The following RCAN2 variants were observed in gnomAD, a reference collection of about 807,000 sequenced individuals.
The protein encoded by RCAN2 is regulator of calcineurin 2.
Under a neutral mutation model 23.6 loss-of-function variants are expected in RCAN2, and 9 were observed. The ratio of observed to expected loss-of-function variants is 0.38; its 90% CI spans 0.23 to 0.67. The LOEUF (loss-of-function observed/expected upper bound fraction) is 0.67, where lower values mean the gene tolerates loss of function less well. Among genes scored for constraint, RCAN2 ranks in the 30% least tolerant of loss-of-function variants. The pLI is 0.51. For missense variants in RCAN2, 273 were observed against 302.3 expected, an observed-to-expected ratio of 0.90 and a Z score of 0.72; for synonymous variants, 109 against 115.7, an observed-to-expected ratio of 0.94 and a Z score of 0.37.
chr6:46,370,994 GA>G (rs1428016702), intron 2 of RCAN2, among the ~76,000 whole-genome samples: 1 of 152,146 alleles, frequency 6.6e-6, no homozygotes, highest in Non-Finnish European at 1.5e-5. Context: ...GAGATATGTG[GA>G]TCTATAAATT....
At chr6:46,446,768 G>C (rs1026479411) in intron 2 of RCAN2, among the ~76,000 whole-genome samples, 8 of 152,034 alleles carry the variant, frequency 5.3e-5, no homozygotes, top group Non-Finnish European at 1.0e-4. Context: ...GCATAAAAAA[G>C]TCTATTATAA....
intron 4 of RCAN2, among the ~76,000 whole-genome samples, chr6:46,246,246 T>C (rs181228795): frequency 1.5e-4 from 23 of 152,290 alleles, no homozygotes; most frequent in African/African-American, 4.8e-4. Flanking sequence ...ACTAAGATTT[T>C]TTTAAAGTTA....
intron 4 of RCAN2, among the ~76,000 whole-genome samples, chr6:46,246,387 C>T (rs905826852): frequency 2.0e-5 from 3 of 152,106 alleles, no homozygotes; most frequent in Admixed American, 2.0e-4. Flanking sequence ...AGCATAGATG[C>T]CTCCTTCCAG....
chr6:46,462,386 A>G (rs911688398), intron 1 of RCAN2, among the ~76,000 whole-genome samples: 6 of 152,244 alleles, frequency 3.9e-5, no homozygotes, highest in African/African-American at 1.2e-4. Flanking sequence ...ATTTTAATGA[A>G]GAAGGAAGCC....
intron 2 of RCAN2, among the ~76,000 whole-genome samples, chr6:46,264,066 G>T (rs991489114): frequency 6.6e-6 from 1 of 152,182 alleles, no homozygotes; most frequent in East Asian, 1.9e-4. Context: ...TTTGCAGAAT[G>T]CTACCCGGTG....
chr6:46,291,873 T>A (rs776309264), intron 2 of RCAN2, among the ~76,000 whole-genome samples: 6 of 152,076 alleles, frequency 3.9e-5, no homozygotes, highest in Non-Finnish European at 8.8e-5. Flanking sequence ...GGAAAGTACG[T>A]GGAATTTGAG....
At chr6:46,473,215 T>C (rs140895838) in intron 1 of RCAN2, among the ~76,000 whole-genome samples, 237 of 152,308 alleles carry the variant, frequency 1.6e-3, no homozygotes, top group African/African-American at 5.4e-3. Context: ...AGCATACCAA[T>C]GCTTTTCTCT....
intron 2 of RCAN2, among the ~76,000 whole-genome samples, chr6:46,289,101 A>C (rs1160940615): frequency 1.3e-5 from 2 of 152,222 alleles, no homozygotes. Flanking sequence ...TGCATCAGCT[A>C]TGACTGACAG....
chr6:46,470,471 G>A (rs1768528254), intron 1 of RCAN2, among the ~76,000 whole-genome samples: 1 of 152,208 alleles, frequency 6.6e-6, no homozygotes, highest in African/African-American at 2.4e-5. Flanking sequence ...TGATATTAAA[G>A]ATGAGAAACA....
At chr6:46,372,071 A>T (rs1165144930) in intron 2 of RCAN2, among the ~76,000 whole-genome samples, 1 of 152,134 alleles carries the variant, frequency 6.6e-6, no homozygotes, top group East Asian at 1.9e-4. Context: ...ACCCCTTTGG[A>T]CTCTAATTCA....
At chr6:46,455,263 A>G (rs1168338813) in intron 2 of RCAN2, among the ~76,000 whole-genome samples, 1 of 152,172 alleles carries the variant, frequency 6.6e-6, no homozygotes, top group Non-Finnish European at 1.5e-5. Context: ...GGTTCTAATT[A>G]TATATAATTC....
At chr6:46,327,278 G>A (rs1295461638) in intron 2 of RCAN2, among the ~76,000 whole-genome samples, 1 of 152,206 alleles carries the variant, frequency 6.6e-6, no homozygotes, top group African/African-American at 2.4e-5. Flanking sequence ...CCCATGTTAG[G>A]ATGGCAGGTG....
chr6:46,456,173 A>G (rs1768022784), intron 2 of RCAN2, among the ~76,000 whole-genome samples: 1 of 152,190 alleles, frequency 6.6e-6, no homozygotes, highest in Non-Finnish European at 1.5e-5. Context: ...TATCATTTCA[A>G]ATTGAGGAGT....
At chr6:46,481,896 TAAAG>T (rs1045946913) in intron 1 of RCAN2, among the ~76,000 whole-genome samples, 1 of 152,038 alleles carries the variant, frequency 6.6e-6, no homozygotes, top group Non-Finnish European at 1.5e-5. Flanking sequence ...AACCCTAGGA[TAAAG>T]AAAGAGGTAT....
chr6:46,459,720 C>T (rs1768156408), intron 1 of RCAN2, among the ~76,000 whole-genome samples: 1 of 152,176 alleles, frequency 6.6e-6, no homozygotes, highest in Admixed American at 6.5e-5. Flanking sequence ...TGTAAAACAA[C>T]AACAAAACAA....
chr6:46,396,932 G>A (rs551565152), intron 2 of RCAN2, among the ~76,000 whole-genome samples: 6 of 152,062 alleles, frequency 3.9e-5, no homozygotes, highest in African/African-American at 1.4e-4. Context: ...CCAATATGGT[G>A]AAACCCTGTC....
At chr6:46,344,591 C>T (rs969555083) in intron 2 of RCAN2, among the ~76,000 whole-genome samples, 2 of 151,928 alleles carry the variant, frequency 1.3e-5, no homozygotes, top group Non-Finnish European at 2.9e-5. Flanking sequence ...TGGAATTATA[C>T]TGTTGTGACA....
At chr6:46,449,210 A>G (rs1211035442) in intron 2 of RCAN2, among the ~76,000 whole-genome samples, 1 of 151,762 alleles carries the variant, frequency 6.6e-6, no homozygotes, top group African/African-American at 2.4e-5. Flanking sequence ...AGAAATTAAG[A>G]AAACCAACCA....
At chr6:46,351,187 A>C (rs1431512273) in intron 2 of RCAN2, among the ~76,000 whole-genome samples, 1 of 152,214 alleles carries the variant, frequency 6.6e-6, no homozygotes, top group Non-Finnish European at 1.5e-5. Context: ...ATTTCAACCC[A>C]GCCATGTTTA....
Sources: gnomAD v4.1 joint callset for allele counts (sites outside exome capture counted in the v4.1 genomes callset) on GRCh38, gnomAD v4.1.1 for gene constraint, MANE v1.5 for transcripts, NCBI Gene and HGNC (gene_info 2026-07-23, HGNC 2026-07-21) for gene names.